KCNN3: variants seen among roughly 807,000 people sequenced by gnomAD.
KCNN3 encodes small conductance calcium-activated potassium channel protein 3.
KCNN3 carries 16 observed loss-of-function variants against 62.9 expected under a neutral mutation model. That is an observed-to-expected ratio of 0.25 (90% CI 0.17 to 0.39). The LOEUF is 0.39. Ranked by LOEUF, KCNN3 falls within the 10% of genes least tolerant of loss-of-function variation. The probability of loss-of-function intolerance (pLI) is 1.00; values close to 1 mark genes in which losing one functional copy is unlikely to be tolerated. For synonymous variants in KCNN3, 370 were observed against 389.2 expected (o/e 0.95, Z 0.58); for missense variants, 599 against 949.4 (o/e 0.63, Z 4.85).
At chr1:154,740,301 G>C (rs1273463338) in intron 3 of KCNN3, among the ~76,000 whole-genome samples, 1 of 152,128 alleles carries the variant, frequency 6.6e-6, no homozygotes, top group Non-Finnish European at 1.5e-5. Context: ...TGTATTTTTA[G>C]AGACAGGGTC....
At chr1:154,711,378 G>T (rs1446781844) in intron 7 of KCNN3, among the ~76,000 whole-genome samples, 2 of 148,680 alleles carry the variant, frequency 1.3e-5, no homozygotes, top group African/African-American at 5.0e-5. Context: ...AGCATTAGGA[G>T]ATATACCTAA....
chr1:154,857,943 TC>T (rs1652603763), intron 1 of KCNN3, among the ~76,000 whole-genome samples: 1 of 152,064 alleles, frequency 6.6e-6, no homozygotes. Context: ...AGCGGTGCCT[TC>T]CCCCAAGCTG....
intron 3 of KCNN3, among the ~76,000 whole-genome samples, chr1:154,740,372 T>C (rs1700801885): frequency 6.6e-6 from 1 of 152,198 alleles, no homozygotes; most frequent in African/African-American, 2.4e-5. Context: ...AGCCTCAAAC[T>C]CCTGGGCTCA....
intron 3 of KCNN3, among the ~76,000 whole-genome samples, chr1:154,769,962 G>A (rs1648473763): frequency 6.6e-6 from 1 of 152,220 alleles, no homozygotes. Flanking sequence ...CCTGTGTCCA[G>A]CTTTCAGATA....
At position 154,704,776 on chromosome 1, in the gene KCNN3, A is replaced by G. The variant is rs1216457262; in HGVS notation, c.*3200T>C. On this transcript the variant is annotated 3_prime_UTR_variant, in exon 8 of 8. Coordinates refer to ENST00000271915, the MANE Select transcript of KCNN3 (RefSeq NM_002249.6). ...AATTAATAGTTTTTACATATAGCCG[A>G]TTTTTTTTTTTTTTTTGAGACGGAG... The G allele has an allele frequency of 1.4e-5, 2 of 139,918 alleles. No individual in the cohort carries two copies. Among genetic ancestry groups the G allele is most frequent in the Admixed American group, 7.2e-5 (1 of 13,968 alleles). 8.7% of individuals were successfully genotyped at this position (139,918 alleles called of 1,614,324 possible).
At chr1:154,763,394 G>A (rs1196203597) in intron 3 of KCNN3, among the ~76,000 whole-genome samples, 1 of 151,846 alleles carries the variant, frequency 6.6e-6, no homozygotes. Flanking sequence ...TAAAAATGGG[G>A]TCTCCCTATG....
At chr1:154,852,579 T>C (rs981692761) in intron 1 of KCNN3, among the ~76,000 whole-genome samples, 3 of 152,160 alleles carry the variant, frequency 2.0e-5, no homozygotes, top group African/African-American at 4.8e-5. Flanking sequence ...CAATGAAAAC[T>C]TAATGTCTGA....
At chr1:154,779,675 C>T (rs6682049) in intron 2 of KCNN3, among the ~76,000 whole-genome samples, 2,065 of 152,218 alleles carry the variant, frequency 0.014, 46 homozygotes, top group African/African-American at 0.047. Flanking sequence ...GCAGGGGGGC[C>T]GCTGGAGAAA....
intron 2 of KCNN3, among the ~76,000 whole-genome samples, chr1:154,808,936 C>T (rs915278990): frequency 1.3e-5 from 2 of 152,142 alleles, no homozygotes; most frequent in Non-Finnish European, 2.9e-5. Context: ...AGGTGTCGGG[C>T]GGCTCCCGCA....
intron 2 of KCNN3, among the ~76,000 whole-genome samples, chr1:154,793,318 C>G (rs1347526056): frequency 6.6e-6 from 1 of 152,168 alleles, no homozygotes; most frequent in Non-Finnish European, 1.5e-5. Context: ...CAGGAAGGTA[C>G]CCAAATGTCT....
intron 3 of KCNN3, among the ~76,000 whole-genome samples, chr1:154,766,416 T>TTATATATATATATATATATA (rs373253800): frequency 0.012 from 884 of 71,654 alleles, 80 homozygotes; most frequent in South Asian, 0.016. Context: ...TAGCCAGGCT[T>TTATATATATATATATATATA]TATATATATA....
chr1:154,788,269 C>G (rs998130217), intron 2 of KCNN3, among the ~76,000 whole-genome samples: 1 of 152,194 alleles, frequency 6.6e-6, no homozygotes, highest in Non-Finnish European at 1.5e-5. Context: ...CACAGGTATA[C>G]AGGCTTGCTC....
chr1:154,835,798 A>G (rs1311078633), intron 1 of KCNN3, among the ~76,000 whole-genome samples: 2 of 152,184 alleles, frequency 1.3e-5, no homozygotes, highest in Non-Finnish European at 2.9e-5. Flanking sequence ...TTCCTATTTG[A>G]TGCTGGGAGG....
intron 2 of KCNN3, among the ~76,000 whole-genome samples, chr1:154,787,156 G>C (rs1407330556): frequency 1.3e-5 from 2 of 152,216 alleles, no homozygotes; most frequent in Non-Finnish European, 2.9e-5. Context: ...TTATTTCAAG[G>C]CCACCTCTCC....
intron 2 of KCNN3, among the ~76,000 whole-genome samples, chr1:154,818,818 A>C (rs1224614703): frequency 6.6e-6 from 1 of 152,150 alleles, no homozygotes; most frequent in Non-Finnish European, 1.5e-5. Flanking sequence ...CTTCCTGAAA[A>C]ACTCAAGCCA....
chr1:154,842,059 AC>A (rs2101912755), intron 1 of KCNN3, among the ~76,000 whole-genome samples: 1 of 151,862 alleles, frequency 6.6e-6, no homozygotes, highest in South Asian at 2.1e-4. Context: ...GTGAGGGGAG[AC>A]CCCCGGGAGT....
rs1476745070 is a variant in KCNN3 at position 154,704,017 on chromosome 1, CT to C, written c.*3958del. ...CTGATTTTGTATGACTAGGTTTCTT[CT>C]TTTCCATGATTGTTTATTCACAAGG... On this transcript the variant is annotated 3_prime_UTR_variant, in exon 8 of 8. Coordinates refer to ENST00000271915, the MANE Select transcript of KCNN3 (RefSeq NM_002249.6). 2.0e-5 allele frequency: 3 copies of C among 152,170 alleles called. No individual in the cohort carries two copies. Among genetic ancestry groups the C allele is most frequent in the African/African-American group, 7.2e-5 (3 of 41,452 alleles). 9.4% of individuals were successfully genotyped at this position (152,170 alleles called of 1,614,324 possible).
At chr1:154,807,991 AGG>A (rs1416747931) in intron 2 of KCNN3, among the ~76,000 whole-genome samples, 1 of 151,480 alleles carries the variant, frequency 6.6e-6, no homozygotes, top group Admixed American at 6.6e-5. Flanking sequence ...CCAGTGATTG[AGG>A]GGGGTTCAAC....
At chr1:154,792,372 G>A (rs1230680706) in intron 2 of KCNN3, among the ~76,000 whole-genome samples, 5 of 152,222 alleles carry the variant, frequency 3.3e-5, no homozygotes, top group Admixed American at 3.3e-4. Flanking sequence ...AGTAACAACA[G>A]GAATCAGAAT....
Sources: allele counts gnomAD v4.1 joint callset (sites outside exome capture counted in the v4.1 genomes callset), GRCh38; gene constraint gnomAD v4.1.1; transcripts MANE v1.5; gene names NCBI Gene and HGNC (gene_info 2026-07-23, HGNC 2026-07-21).